HMG20A: variants seen among roughly 807,000 people sequenced by gnomAD.
The protein encoded by HMG20A is high mobility group protein 20A.
HMG20A carries 17 observed loss-of-function variants against 43.9 expected under a neutral mutation model. The ratio of observed to expected loss-of-function variants is 0.39; its 90% confidence interval spans 0.27 to 0.58. The LOEUF is 0.58. Ranked by LOEUF, HMG20A falls within the 20% of genes least tolerant of loss-of-function variation. The probability of loss-of-function intolerance (pLI) is 0.59; values close to 1 mark genes in which losing one functional copy is unlikely to be tolerated. For missense variants in HMG20A, 341 were observed against 438.2 expected (o/e 0.78, Z 1.98); for synonymous variants, 132 against 147.5 (o/e 0.89, Z 0.76).
chr15:77,436,517 G>A (rs573618988), intron 1 of HMG20A, among the ~76,000 whole-genome samples: 1 of 151,892 alleles, frequency 6.6e-6, no homozygotes, highest in East Asian at 1.9e-4. Flanking sequence ...GGAGTGCAGT[G>A]GCATGTTCTC....
chr15:77,442,605 C>T (rs2073624622), intron 1 of HMG20A, among the ~76,000 whole-genome samples: 2 of 152,182 alleles, frequency 1.3e-5, no homozygotes, highest in Non-Finnish European at 2.9e-5. Context: ...GCGTACTCTT[C>T]TCTGCCCTAT....
chr15:77,513,066 G>A, the HMG20A span, among the ~76,000 whole-genome samples: 1 of 152,160 alleles, frequency 6.6e-6, no homozygotes, highest in African/African-American at 2.4e-5. Flanking sequence ...AAAGATGAAG[G>A]AACTGTCTAG....
chr15:77,434,595 T>G (rs1259559590), intron 1 of HMG20A, among the ~76,000 whole-genome samples: 4 of 152,114 alleles, frequency 2.6e-5, no homozygotes, highest in Non-Finnish European at 5.9e-5. Flanking sequence ...CAAAAGAAAC[T>G]ATCCAAAGGC....
the HMG20A span, among the ~76,000 whole-genome samples, chr15:77,515,823 G>A: frequency 6.6e-6 from 1 of 152,210 alleles, no homozygotes; most frequent in African/African-American, 2.4e-5. Context: ...CTTGGGGGCA[G>A]GGTTGTGGGT....
the HMG20A span, among the ~76,000 whole-genome samples, chr15:77,492,667 T>G: frequency 6.6e-6 from 1 of 151,762 alleles, no homozygotes; most frequent in South Asian, 2.1e-4. Context: ...AAAAAAAATT[T>G]TTAATTAGCC....
intron 3 of HMG20A, among the ~76,000 whole-genome samples, chr15:77,465,260 CAAAAAA>C (rs71145837): frequency 5.4e-4 from 32 of 59,184 alleles, no homozygotes; most frequent in South Asian, 2.0e-3. Context: ...GACTTCGTCT[CAAAAAA>C]AAAAAAAAAA....
intron 1 of HMG20A, among the ~76,000 whole-genome samples, chr15:77,438,122 A>G (rs2073569387): frequency 6.8e-6 from 1 of 146,362 alleles, no homozygotes; most frequent in African/African-American, 2.5e-5. Context: ...ACACCAAGCT[A>G]GGTTTTTAGT....
intron 9 of HMG20A, among the ~76,000 whole-genome samples, chr15:77,481,769 A>T (rs929146948): frequency 6.6e-6 from 1 of 152,208 alleles, no homozygotes; most frequent in African/African-American, 2.4e-5. Flanking sequence ...AACTAACAAT[A>T]GATGGTTCCC....
At chr15:77,457,233 T>C (rs1193706286) in intron 1 of HMG20A, among the ~76,000 whole-genome samples, 3 of 152,228 alleles carry the variant, frequency 2.0e-5, no homozygotes, top group African/African-American at 7.2e-5. Flanking sequence ...TTTCTTCATA[T>C]TTCCACCTCA....
intron 1 of HMG20A, among the ~76,000 whole-genome samples, chr15:77,431,619 C>T (rs1345876832): frequency 1.3e-5 from 2 of 152,136 alleles, no homozygotes; most frequent in Non-Finnish European, 2.9e-5. Context: ...CGCTAATTAA[C>T]ATATGTATTA....
chr15:77,421,301 T>C (rs983068088), intron 1 of HMG20A, among the ~76,000 whole-genome samples: 3 of 152,158 alleles, frequency 2.0e-5, no homozygotes, highest in Admixed American at 2.0e-4. Flanking sequence ...TCTTGCAGCT[T>C]GGGGATTGTG....
the HMG20A span, among the ~76,000 whole-genome samples, chr15:77,508,602 C>T: frequency 2.0e-5 from 3 of 152,160 alleles, no homozygotes; most frequent in African/African-American, 4.8e-5. Flanking sequence ...TCTTTCTGCA[C>T]CTCTGAGACC....
the HMG20A span, among the ~76,000 whole-genome samples, chr15:77,498,269 T>C: frequency 1.3e-3 from 192 of 152,300 alleles, 1 homozygote; most frequent in African/African-American, 4.4e-3. Flanking sequence ...GCGCTGGATT[T>C]TTCTCTTTGG....
the HMG20A span, among the ~76,000 whole-genome samples, chr15:77,508,666 G>A: frequency 4.3e-4 from 65 of 152,218 alleles, no homozygotes; most frequent in Admixed American, 1.2e-3. Context: ...ACCAAGCCAG[G>A]GCTGGACGGG....
chr15:77,470,047 A>C (rs1319504527), intron 4 of HMG20A, among the ~76,000 whole-genome samples: 1 of 152,200 alleles, frequency 6.6e-6, no homozygotes, highest in Non-Finnish European at 1.5e-5. Context: ...TAATAGTATG[A>C]AGTTTTTTCT....
At chr15:77,463,127 T>G (rs1269293917) in intron 2 of HMG20A, among the ~76,000 whole-genome samples, 1 of 152,180 alleles carries the variant, frequency 6.6e-6, no homozygotes, top group Non-Finnish European at 1.5e-5. Context: ...CTGCCTGCCT[T>G]TGTGTCTCAC....
intron 1 of HMG20A, among the ~76,000 whole-genome samples, chr15:77,443,996 C>G (rs564380429): frequency 6.6e-6 from 1 of 152,292 alleles, no homozygotes; most frequent in East Asian, 1.9e-4. Flanking sequence ...CAAGTGTGAG[C>G]CAACATGCCC....
At chr15:77,489,199 AATAAC>A (rs1369740994), downstream of HMG20A, among the ~76,000 whole-genome samples, 1 of 152,258 alleles carries the variant, frequency 6.6e-6, no homozygotes, top group African/African-American at 2.4e-5. Context: ...GGAAAAGAGA[AATAAC>A]AGACATATAC....
At chr15:77,423,055 G>C (rs781023262) in intron 1 of HMG20A, among the ~76,000 whole-genome samples, 1 of 152,164 alleles carries the variant, frequency 6.6e-6, no homozygotes, top group East Asian at 1.9e-4. Flanking sequence ...GATTGAGATA[G>C]AGTAATATTG....
Sources: allele counts gnomAD v4.1 joint callset (sites outside exome capture counted in the v4.1 genomes callset), GRCh38; gene constraint gnomAD v4.1.1; transcripts MANE v1.5; gene names NCBI Gene and HGNC (gene_info 2026-07-23, HGNC 2026-07-21).